The following LDLRAD4 variants were observed in gnomAD, a reference collection of about 807,000 sequenced individuals.
LDLRAD4 encodes the protein low density lipoprotein receptor class A domain containing 4, also known as low-density lipoprotein receptor class A domain-containing protein 4.
LDLRAD4 carries 5 observed loss-of-function variants against 17.0 expected under a neutral mutation model. The observed-to-expected ratio is 0.29, with a 90% CI of 0.15 to 0.62. The LOEUF is 0.62. LDLRAD4 is among the 20% of genes least tolerant of loss of function. The pLI is 0.84. For missense variants in LDLRAD4, 340 were observed against 424.7 expected, an observed-to-expected ratio of 0.80 and a Z score of 1.75; for synonymous variants, 168 against 171.8, an observed-to-expected ratio of 0.98 and a Z score of 0.17.
intron 1 of LDLRAD4, among the ~76,000 whole-genome samples, chr18:13,359,748 G>A (rs2083551288): frequency 6.6e-6 from 1 of 152,170 alleles, no homozygotes; most frequent in Non-Finnish European, 1.5e-5. Context: ...TTTGAACGTT[G>A]GTGGTGATCA....
At chr18:13,404,194 G>C (rs549075553) in intron 2 of LDLRAD4, among the ~76,000 whole-genome samples, 1 of 152,226 alleles carries the variant, frequency 6.6e-6, no homozygotes, top group African/African-American at 2.4e-5. Flanking sequence ...ACCCTTCCTT[G>C]AGCGTTGTTG....
chr18:13,570,314 C>T (rs991781191), intron 3 of LDLRAD4, among the ~76,000 whole-genome samples: 2 of 152,164 alleles, frequency 1.3e-5, no homozygotes, highest in Non-Finnish European at 2.9e-5. Context: ...CACTACCTGG[C>T]TCGGGTCTCC....
At chr18:13,591,175 A>T (rs1360118236) in intron 3 of LDLRAD4, among the ~76,000 whole-genome samples, 1 of 152,206 alleles carries the variant, frequency 6.6e-6, no homozygotes, top group Non-Finnish European at 1.5e-5. Context: ...TCTCTCTTAA[A>T]ATAAAGCCAT....
chr18:13,574,549 T>C (rs972059556), intron 3 of LDLRAD4, among the ~76,000 whole-genome samples: 1 of 152,222 alleles, frequency 6.6e-6, no homozygotes, highest in South Asian at 2.1e-4. Context: ...GGCAGGACCA[T>C]GGCCGATGTG....
chr18:13,392,607 A>T (rs2086361610), intron 2 of LDLRAD4, among the ~76,000 whole-genome samples: 2 of 152,114 alleles, frequency 1.3e-5, no homozygotes, highest in African/African-American at 4.8e-5. Flanking sequence ...CTGACTTGGA[A>T]TGCATCCTTT....
At chr18:13,239,515 T>G (rs2042518923) in intron 1 of LDLRAD4, 1 of 152,258 alleles carries the variant, frequency 6.6e-6, no homozygotes, top group Admixed American at 6.5e-5. Context: ...GGATGAATTT[T>G]GATTAGTCAG....
At chr18:13,331,435 G>A (rs1192363679) in intron 1 of LDLRAD4, among the ~76,000 whole-genome samples, 1 of 152,084 alleles carries the variant, frequency 6.6e-6, no homozygotes, top group African/African-American at 2.4e-5. Flanking sequence ...AAAAGAAAAA[G>A]AAAGAAAAAG....
intron 3 of LDLRAD4, among the ~76,000 whole-genome samples, chr18:13,567,617 A>G (rs528113920): frequency 2.8e-4 from 42 of 152,314 alleles, no homozygotes; most frequent in Admixed American, 2.5e-3. Context: ...TTCTCTCTAA[A>G]CTGCTTTTCT....
intron 3 of LDLRAD4, among the ~76,000 whole-genome samples, chr18:13,534,560 A>G (rs1193096064): frequency 4.6e-5 from 7 of 152,224 alleles, no homozygotes; most frequent in Admixed American, 3.9e-4. Context: ...AAGAAAAAAA[A>G]AAAGAAAGTC....
chr18:13,483,802 C>T (rs995470767), intron 3 of LDLRAD4, among the ~76,000 whole-genome samples: 5 of 152,094 alleles, frequency 3.3e-5, no homozygotes, highest in African/African-American at 1.2e-4. Context: ...GCAGGTCTTC[C>T]CAGGTCTTAC....
chr18:13,320,728 G>A (rs1391999178), intron 1 of LDLRAD4, among the ~76,000 whole-genome samples: 1 of 152,234 alleles, frequency 6.6e-6, no homozygotes, highest in African/African-American at 2.4e-5. Context: ...CAATGGCAGG[G>A]TGGAGCCGGG....
chr18:13,394,968 A>G (rs1334250067), intron 2 of LDLRAD4, among the ~76,000 whole-genome samples: 1 of 152,152 alleles, frequency 6.6e-6, no homozygotes, highest in Non-Finnish European at 1.5e-5. Context: ...CTGTTAGTGT[A>G]TGGATGTCTC....
intron 1 of LDLRAD4, among the ~76,000 whole-genome samples, chr18:13,327,478 G>T (rs1237179548): frequency 6.6e-6 from 1 of 152,130 alleles, no homozygotes; most frequent in Non-Finnish European, 1.5e-5. Context: ...CATTGTTGAA[G>T]AGCACAGCTT....
At chr18:13,282,594 A>G (rs891266810) in intron 1 of LDLRAD4, among the ~76,000 whole-genome samples, 2 of 152,204 alleles carry the variant, frequency 1.3e-5, no homozygotes, top group Non-Finnish European at 2.9e-5. Context: ...CTGATGTAAG[A>G]GGTGGCTTCC....
At chr18:13,390,120 T>G (rs2086154051) in intron 2 of LDLRAD4, among the ~76,000 whole-genome samples, 2 of 152,208 alleles carry the variant, frequency 1.3e-5, no homozygotes, top group South Asian at 4.1e-4. Context: ...ATTTTATCAT[T>G]TCTTTGTGCT....
chr18:13,218,658 C>T (rs1394178461), upstream of LDLRAD4: 1 of 152,246 alleles, frequency 6.6e-6, no homozygotes, highest in Non-Finnish European at 1.5e-5. Context: ...GGCCCCGGCC[C>T]CTCGGGCCCG....
At chr18:13,317,279 C>G (rs73419367) in intron 1 of LDLRAD4, among the ~76,000 whole-genome samples, 1,629 of 152,320 alleles carry the variant, frequency 0.011, 16 homozygotes, top group African/African-American at 0.028. Flanking sequence ...GTATCCTAAG[C>G]TCTCAGGGAT....
At chr18:13,376,922 G>A (rs1053616833) in intron 1 of LDLRAD4, among the ~76,000 whole-genome samples, 10 of 152,354 alleles carry the variant, frequency 6.6e-5, no homozygotes, top group Admixed American at 6.5e-4. Flanking sequence ...CAGCGGTGGG[G>A]TTTGTGGCCC....
chr18:13,433,686 A>AT (rs1200648072), intron 2 of LDLRAD4, among the ~76,000 whole-genome samples: 3 of 150,582 alleles, frequency 2.0e-5, no homozygotes, highest in Non-Finnish European at 4.4e-5. Context: ...GGTCCTTAAA[A>AT]TTTTTTTTAA....
Sources: allele counts gnomAD v4.1 joint callset (sites outside exome capture counted in the v4.1 genomes callset), GRCh38; gene constraint gnomAD v4.1.1; transcripts MANE v1.5; gene names NCBI Gene and HGNC (gene_info 2026-07-23, HGNC 2026-07-21).